SIAH3: variants seen among roughly 807,000 people sequenced by gnomAD.
The protein encoded by SIAH3 is seven in absentia homolog 3.
SIAH3 carries 9 observed loss-of-function variants against 12.6 expected under a neutral mutation model. The ratio of observed to expected loss-of-function variants is 0.72; its 90% CI spans 0.43 to 1.25. The LOEUF (loss-of-function observed/expected upper bound fraction) is 1.25, where lower values mean the gene tolerates loss of function less well. Among genes scored for constraint, SIAH3 ranks in the 50% most tolerant of loss-of-function variants. The probability of loss-of-function intolerance (pLI) is 0.00; values close to 1 mark genes in which losing one functional copy is unlikely to be tolerated. For synonymous variants in SIAH3, 154 were observed against 151.1 expected (o/e 1.02, Z -0.14); for missense variants, 390 against 365.4 (o/e 1.07, Z -0.55).
chr13:45,824,039 T>C (rs1427357129), intron 1 of SIAH3, among the ~76,000 whole-genome samples: 1 of 152,230 alleles, frequency 6.6e-6, no homozygotes, highest in African/African-American at 2.4e-5. Flanking sequence ...ACAGTGAACA[T>C]AGTACCAAAT....
intron 1 of SIAH3, among the ~76,000 whole-genome samples, chr13:45,848,474 C>T (rs542662774): frequency 1.6e-4 from 25 of 152,292 alleles, no homozygotes; most frequent in South Asian, 1.2e-3. Context: ...GCTCTGCCTT[C>T]CATTTAGAAG....
At chr13:45,810,677 T>A (rs1007346695) in intron 1 of SIAH3, among the ~76,000 whole-genome samples, 4 of 152,188 alleles carry the variant, frequency 2.6e-5, no homozygotes, top group African/African-American at 7.2e-5. Context: ...AGTCTAGAAT[T>A]CATACTCCCA....
intron 1 of SIAH3, among the ~76,000 whole-genome samples, chr13:45,796,488 C>T (rs9595385): frequency 0.52 from 79,219 of 151,474 alleles, 21,907 homozygotes; most frequent in African/African-American, 0.65. Flanking sequence ...AGATCAGGGA[C>T]GGGCTCAGGG....
chr13:45,780,363 C>T lies in SIAH3; in HGVS notation c.*3020G>A, dbSNP rs933869815. 5 of 152,130 alleles carry T rather than the reference C, an allele frequency of 3.3e-5. No homozygotes were observed. The highest frequency in any genetic ancestry group is 4.4e-5 in the Non-Finnish European group (3 of 68,104). 9.4% of individuals were successfully genotyped at this position (152,130 alleles called of 1,614,324 possible). On this transcript the variant is annotated 3_prime_UTR_variant, in exon 2 of 2. Coordinates refer to ENST00000400405, the MANE Select transcript of SIAH3 (RefSeq NM_198849.3). ...CACAGCTCACTGTGACCTCAACCTC[C>T]TGGGCTCAAGCCATCCCCCTGTCTT...
In SIAH3 at chr13:45,783,976, A is replaced by AGTG; in HGVS notation, c.214_216dup (p.His72dup). Reference sequence around the variant, plus strand: ...AGGTGGTGGTGGTGGCGGTGGTGGCAGTGGTGGTGGGAGAGATGGTGAGGG... The same window carrying AGTG: ...AGGTGGTGGTGGTGGCGGTGGTGGCAGTGGTGGTGGTGGGAGAGATGGTGAGGG... On this transcript the variant is annotated inframe_insertion, in exon 2 of 2. Transcript: ENST00000400405. The AGTG allele has an allele frequency of 6.2e-7, 1 of 1,604,966 alleles. No individual in the cohort carries two copies. The highest frequency in any genetic ancestry group is 8.5e-7 in the Non-Finnish European group (1 of 1,176,292).
chr13:45,783,295 G>T lies in SIAH3; in HGVS notation c.*88C>A. On this transcript the variant is annotated 3_prime_UTR_variant, in exon 2 of 2. Transcript: ENST00000400405. ...TAAAAAAAAAAAAAAGAAAGGAGAAGAATAAAAAGGAGTCTGGAGTCCTGG... is the reference window on the plus strand; with the variant it reads ...TAAAAAAAAAAAAAAGAAAGGAGAATAATAAAAAGGAGTCTGGAGTCCTGG... 19 of 809,626 alleles carry T rather than the reference G, an allele frequency of 2.3e-5. No individual in the cohort carries two copies. Among genetic ancestry groups the T allele is most frequent in the Non-Finnish European group, 2.9e-5 (16 of 558,100 alleles). 50.2% of individuals were successfully genotyped at this position (809,626 alleles called of 1,614,324 possible).
At position 45,851,665 on chromosome 13, in the gene SIAH3, G is replaced by A; in HGVS notation, c.-36C>T. ...GGGGGGTTGTTGGTCCGGGAAGGCA[G>A]CGGAGGAAGCTGTGAGTCCTTGGGC... is the stretch of plus-strand genomic sequence containing the variant. On this transcript the variant is annotated 5_prime_UTR_variant, in exon 1 of 2. Coordinates refer to ENST00000400405, the MANE Select transcript of SIAH3 (RefSeq NM_198849.3). The A allele has an allele frequency of 6.2e-7, 1 of 1,613,658 alleles. No homozygotes were observed. Among genetic ancestry groups the A allele is most frequent in the South Asian group, 1.1e-5 (1 of 91,042 alleles).
rs960851447 is a variant in SIAH3, at chr13:45,782,811, G to C, written c.*572C>G. ...TAGCCCAGTCCCCAGCCCTGCGGTG[G>C]AGACACGATCTCCTCATGCCCGGCT... On this transcript the variant is annotated 3_prime_UTR_variant, in exon 2 of 2. Transcript: ENST00000400405. The C allele has an allele frequency of 1.3e-5, 2 of 152,160 alleles. No individual in the cohort carries two copies. The highest frequency in any genetic ancestry group is 2.4e-5 in the African/African-American group (1 of 41,324). 9.4% of individuals were successfully genotyped at this position (152,160 alleles called of 1,614,324 possible). A position where few individuals can be genotyped will look rare whatever the true frequency, so the allele number is the denominator to read the frequency against.
chr13:45,808,517 A>T (rs78440008), intron 1 of SIAH3, among the ~76,000 whole-genome samples: 3,113 of 152,328 alleles, frequency 0.02, 111 homozygotes, highest in African/African-American at 0.071. Context: ...TAATTTTGTT[A>T]AACAACGGCT....
intron 1 of SIAH3, among the ~76,000 whole-genome samples, chr13:45,825,125 G>A (rs952089042): frequency 2.6e-5 from 4 of 152,084 alleles, no homozygotes; most frequent in African/African-American, 7.2e-5. Context: ...GAAGCTGGGG[G>A]AAATAAATAA....
intron 1 of SIAH3, among the ~76,000 whole-genome samples, chr13:45,819,672 C>A (rs1311263836): frequency 1.3e-5 from 2 of 152,106 alleles, no homozygotes; most frequent in African/African-American, 4.8e-5. Flanking sequence ...ACGGGCCCTG[C>A]ATGTCGGAGG....
At chr13:45,807,629 G>C (rs1950602541) in intron 1 of SIAH3, among the ~76,000 whole-genome samples, 2 of 152,150 alleles carry the variant, frequency 1.3e-5, no homozygotes, top group South Asian at 2.1e-4. Context: ...AGAGAACTTA[G>C]GGACCTAGAG....
intron 1 of SIAH3, among the ~76,000 whole-genome samples, chr13:45,810,000 A>G (rs1163376257): frequency 3.3e-5 from 5 of 152,248 alleles, no homozygotes; most frequent in Non-Finnish European, 5.9e-5. Flanking sequence ...TCACGTTGCC[A>G]TGGGCTCCCT....
chr13:45,843,216 T>C (rs1197571572), intron 1 of SIAH3, among the ~76,000 whole-genome samples: 2 of 152,024 alleles, frequency 1.3e-5, no homozygotes, highest in African/African-American at 2.4e-5. Flanking sequence ...TTCTCATCCA[T>C]GCCGGGCTCA....
intron 1 of SIAH3, among the ~76,000 whole-genome samples, chr13:45,840,902 T>G (rs745840482): frequency 6.6e-6 from 1 of 152,180 alleles, no homozygotes; most frequent in Non-Finnish European, 1.5e-5. Context: ...TGAGTAAGAT[T>G]TTTGACCTTT....
rs2137543109 is a variant in SIAH3 at position 45,778,506 on chromosome 13, A to T, written c.*4877T>A. On this transcript the variant is annotated 3_prime_UTR_variant, in exon 2 of 2. Transcript: ENST00000400405. ...GCTCTTGAAGCTGCTTAAGCCTCAGAGTCTCTTCTCCAGAAGAGTTCGTGT... is the reference window on the plus strand; with the variant it reads ...GCTCTTGAAGCTGCTTAAGCCTCAGTGTCTCTTCTCCAGAAGAGTTCGTGT... The T allele has an allele frequency of 6.6e-6, 1 of 152,362 alleles. No individual in the cohort carries two copies. Among genetic ancestry groups the T allele is most frequent in the South Asian group, 2.1e-4 (1 of 4,830 alleles). The allele number at this position is 152,362 out of a possible 1,614,324, so 9.4% of individuals were successfully genotyped here. A position where few individuals can be genotyped will look rare whatever the true frequency, so the allele number is the denominator to read the frequency against.
chr13:45,799,366 G>A (rs1287191443), intron 1 of SIAH3, among the ~76,000 whole-genome samples: 1 of 152,152 alleles, frequency 6.6e-6, no homozygotes, highest in African/African-American at 2.4e-5. Context: ...GATAATAGGA[G>A]GAATGCGTTA....
intron 1 of SIAH3, among the ~76,000 whole-genome samples, chr13:45,850,390 G>A (rs1405362812): frequency 1.3e-5 from 2 of 152,178 alleles, no homozygotes; most frequent in African/African-American, 2.4e-5. Flanking sequence ...AGTGGTCAGA[G>A]GGACAGATCT....
chr13:45,822,520 A>AATATATATATATATAT (rs36106322), intron 1 of SIAH3, among the ~76,000 whole-genome samples: 2,167 of 85,054 alleles, frequency 0.025, 141 homozygotes, highest in African/African-American at 0.028. Flanking sequence ...TTCATTATCA[A>AATATATATATATATAT]ATATATATAT....
Sources: gnomAD v4.1 joint callset for allele counts (sites outside exome capture counted in the v4.1 genomes callset) on GRCh38, gnomAD v4.1.1 for gene constraint, MANE v1.5 for transcripts, NCBI Gene and HGNC (gene_info 2026-07-23, HGNC 2026-07-21) for gene names.